NKX6-1: variants seen among roughly 807,000 people sequenced by gnomAD.
NKX6-1 encodes homeobox protein Nkx-6.1.
A neutral mutation model predicts 24.9 loss-of-function variants in NKX6-1; 11 were observed. The observed-to-expected ratio is 0.44, with a 90% confidence interval of 0.28 to 0.73. The LOEUF (loss-of-function observed/expected upper bound fraction) is 0.73. Among genes scored for constraint, NKX6-1 ranks in the 30% least tolerant of loss-of-function variants. The pLI is 0.15. For synonymous variants in NKX6-1, 277 were observed against 242.9 expected (o/e 1.14, Z -1.31); for missense variants, 487 against 502.9 (o/e 0.97, Z 0.30).
chr4:84,495,540 G>C, intron 2 of NKX6-1, 132 bp downstream of exon 2: 4 of 811,324 alleles, frequency 4.9e-6, no homozygotes. Context: ...TTCTCCCCAG[G>C]CTCCTTGGAT....
rs556633567 is a variant in NKX6-1 at position 84,497,593 on chromosome 4, C to A, written c.636G>T (p.Pro212=). The change falls in exon 1 of 3, where the codon CCG becomes CCT. Residue 212 remains proline (P), a synonymous_variant. Transcript: ENST00000295886. The surrounding 1 kb of genome is among the most constrained non-coding windows in gnomAD (Gnocchi z 4.8). ...AGGCCAGGCGTGCGTCCCTCCAGGGCGGGCTCTGCATCACTCCGGGCCAGA... is the reference window on the plus strand; with the variant it reads ...AGGCCAGGCGTGCGTCCCTCCAGGGAGGGCTCTGCATCACTCCGGGCCAGA... ...PIFWPGVMQS[P]PWRDARLACT... 3.1e-6 allele frequency: 4 copies of A among 1,271,850 alleles called. No homozygotes were observed. Among genetic ancestry groups the A allele is most frequent in the Non-Finnish European group, 4.0e-6 (4 of 1,003,236 alleles). 78.8% of individuals were successfully genotyped at this position (1,271,850 alleles called of 1,614,324 possible). A position where few individuals can be genotyped will look rare whatever the true frequency, so the allele number is the denominator to read the frequency against.
At position 84,498,285 on chromosome 4, in the gene NKX6-1, C is replaced by T; in HGVS notation, c.-57G>A. The T allele has an allele frequency of 7.8e-7, 1 of 1,281,176 alleles. No homozygotes were observed. Among genetic ancestry groups the T allele is most frequent in the Non-Finnish European group, 9.9e-7 (1 of 1,014,382 alleles). 79.4% of individuals were successfully genotyped at this position (1,281,176 alleles called of 1,614,324 possible). On this transcript the variant is annotated 5_prime_UTR_variant, in exon 1 of 3. Coordinates refer to ENST00000295886, the MANE Select transcript of NKX6-1 (RefSeq NM_006168.3). ...AGCGAGGGCGCTGGCTGGTGCCCCC[C>T]GCGGGGCTCAGAGGAGCCGGAAGCG... is the stretch of plus-strand genomic sequence containing the variant.
In NKX6-1 at chr4:84,493,414, T is replaced by C; in HGVS notation, c.979A>G (p.Asn327Asp). Residue 327 changes from asparagine (N) to aspartate (D), a missense_variant, in exon 3 of 3, where the codon AAT becomes GAT. Around this residue, in one of 3 missense-constraint regions of NKX6-1, gnomAD observed 126 missense variants for 105.5 expected, o/e 1.19. Coordinates refer to ENST00000295886, the MANE Select transcript of NKX6-1 (RefSeq NM_006168.3). The surrounding 1 kb of genome is among the most constrained non-coding windows in gnomAD (Gnocchi z 5.1). The stretch of plus-strand genomic sequence containing the variant: ...TCCGAGTTGGGATCCAGAGGCTTAT[T>C]GTAGTCGTCGTCCTCTTCCTCGTTC... ...SENEEEDDDY[N>D]KPLDPNSDDE... The C allele has an allele frequency of 6.2e-7, 1 of 1,614,238 alleles. No homozygotes were observed. Among genetic ancestry groups the C allele is most frequent in the Non-Finnish European group, 8.5e-7 (1 of 1,180,044 alleles).
Position 84,498,741 on chromosome 4 carries a change from T to C in NKX6-1, c.-513A>G, listed in dbSNP as rs1720882150. 6.6e-6 allele frequency among the ~76,000 whole-genome samples: 1 copy of C among 152,208 alleles called. No homozygotes were observed. Among genetic ancestry groups the C allele is most frequent in the South Asian group, 2.1e-4 (1 of 4,832 alleles). On this transcript the variant is annotated 5_prime_UTR_variant, in exon 1 of 3. Transcript: ENST00000295886. ...GCCCGTGGCGCTCCTCTGATCTTAC[T>C]GGGATGCTCTGCTCTTTCGGTCGCG...
Position 84,497,454 on chromosome 4 carries a change from G to C in NKX6-1, c.670+105C>G. 2.4e-6 allele frequency: 3 copies of C among 1,239,252 alleles called. No homozygotes were observed. Among genetic ancestry groups the C allele is most frequent in the Admixed American group, 4.2e-5 (1 of 23,680 alleles). 76.8% of individuals were successfully genotyped at this position (1,239,252 alleles called of 1,614,324 possible). On this transcript the variant is annotated intron_variant, in intron 1 of 2. Transcript: ENST00000295886. This position sits in a 1 kb window ranked among gnomAD's most constrained non-coding sequence, Gnocchi z 4.8. ...TCCGGCGCTGTCAAACTACTGGGGC[G>C]GGCCACAGGATGGACTGAGCGGCAT...
chr4:84,495,619 G>A (rs1720802155), intron 2 of NKX6-1, 53 bp downstream of exon 2: 9 of 1,492,776 alleles, frequency 6.0e-6, no homozygotes, highest in Middle Eastern at 2.4e-4. Flanking sequence ...ATGTGTGCAC[G>A]CGCGCGCGAC....
In NKX6-1 at chr4:84,493,267, A is replaced by G; in HGVS notation, c.*22T>C. 6.5e-7 allele frequency: 1 copy of G among 1,535,322 alleles called. No individual in the cohort carries two copies. Among genetic ancestry groups the G allele is most frequent in the Non-Finnish European group, 8.7e-7 (1 of 1,151,840 alleles). On this transcript the variant is annotated 3_prime_UTR_variant, in exon 3 of 3. Transcript: ENST00000295886. The surrounding 1 kb of genome is among the most constrained non-coding windows in gnomAD (Gnocchi z 5.1). The stretch of plus-strand genomic sequence containing the variant: ...CCCAGAGGTGGAGGCCGGAGCCGGG[A>G]AGGTGCGGCGGGCGGCGGCGTTCAG...
At position 84,497,824 on chromosome 4, in the gene NKX6-1, G is replaced by A. The variant is rs572462167; in HGVS notation, c.405C>T (p.Ser135=). The A allele has an allele frequency of 6.3e-6, 8 of 1,274,278 alleles. No homozygotes were observed. The East Asian group carries it at 1.6e-4, about 25-fold the overall frequency. The allele number at this position is 1,274,278 out of a possible 1,614,324, so 78.9% of individuals were successfully genotyped here. A position where few individuals can be genotyped will look rare whatever the true frequency, so the allele number is the denominator to read the frequency against. Residue 135 remains serine (S), a synonymous_variant, in exon 1 of 3, where the codon TCC becomes TCT. Transcript: ENST00000295886. The surrounding 1 kb of genome is among the most constrained non-coding windows in gnomAD (Gnocchi z 4.8). Reference sequence around the variant, plus strand: ...CAGCAGCCGCGGCGGCGGCAGAGGCGGAGGAGGCAGAGGCGGACGAGGAAG... The same window carrying A: ...CAGCAGCCGCGGCGGCGGCAGAGGCAGAGGAGGCAGAGGCGGACGAGGAAG... ...SSSSSSASAS[S]ASAAAAAAAA...
Position 84,497,563 on chromosome 4 carries a change from G to A in NKX6-1, c.666C>T (p.Thr222=). The A allele has an allele frequency of 7.9e-7, 1 of 1,258,272 alleles. No individual in the cohort carries two copies. Among genetic ancestry groups the A allele is most frequent in the Non-Finnish European group, 1.0e-6 (1 of 994,152 alleles). 77.9% of individuals were successfully genotyped at this position (1,258,272 alleles called of 1,614,324 possible). A position where few individuals can be genotyped will look rare whatever the true frequency, so the allele number is the denominator to read the frequency against. ...GGCGCGGGTGGTAGTACTCACGAGG[G>A]GTACAGGCCAGGCGTGCGTCCCTCC... ...PPWRDARLAC[T]PHQGSILLDK... is the part of the protein sequence containing the mutation. Residue 222 remains threonine (T), a synonymous_variant, in exon 1 of 3, where the codon ACC becomes ACT. Coordinates refer to ENST00000295886, the MANE Select transcript of NKX6-1 (RefSeq NM_006168.3). The surrounding 1 kb of genome is among the most constrained non-coding windows in gnomAD (Gnocchi z 4.8).
In NKX6-1 at chr4:84,498,997, A is replaced by C. The variant is rs1478103836; in HGVS notation, c.-769T>G. 1.3e-5 allele frequency among the ~76,000 whole-genome samples: 2 copies of C among 152,286 alleles called. No homozygotes were observed. Among genetic ancestry groups the C allele is most frequent in the Non-Finnish European group, 2.9e-5 (2 of 68,018 alleles). On this transcript the variant is annotated 5_prime_UTR_variant, in exon 1 of 3. Transcript: ENST00000295886. ...TTGAAAAGAAAAAGGGGGAGGAAAA[A>C]CACAGAAAAACAAAAGACTAAGTGT...
Position 84,492,063 on chromosome 4 carries a change from G to A in NKX6-1, c.*1226C>T, listed in dbSNP as rs976823399. The A allele has an allele frequency of 1.3e-5, 2 of 152,038 alleles. No homozygotes were observed. Among genetic ancestry groups the A allele is most frequent in the Non-Finnish European group, 2.9e-5 (2 of 68,016 alleles). The allele number at this position is 152,038 out of a possible 1,614,324, so 9.4% of individuals were successfully genotyped here. A position where few individuals can be genotyped will look rare whatever the true frequency, so the allele number is the denominator to read the frequency against. On this transcript the variant is annotated 3_prime_UTR_variant, in exon 3 of 3. Coordinates refer to ENST00000295886, the MANE Select transcript of NKX6-1 (RefSeq NM_006168.3). ...ACATTTAACTGGTCTTGCAAAGGGG[G>A]TTTTCTTCTCTTTACAAACCGAATT...
chr4:84,498,518 G>C lies in NKX6-1; in HGVS notation c.-290C>G, dbSNP rs1277500928. On this transcript the variant is annotated 5_prime_UTR_variant, in exon 1 of 3. Transcript: ENST00000295886. ...CCGCGAGTCCTAGATTCGATCCCTG[G>C]CTATTCTCTCTTCCTCACTTTTCCT... 2.7e-6 allele frequency: 1 copy of C among 372,998 alleles called. No homozygotes were observed. Among genetic ancestry groups the C allele is most frequent in the African/African-American group, 2.1e-5 (1 of 48,088 alleles). 23.1% of individuals were successfully genotyped at this position (372,998 alleles called of 1,614,324 possible). A position where few individuals can be genotyped will look rare whatever the true frequency, so the allele number is the denominator to read the frequency against.
intron 1 of NKX6-1, chr4:84,496,816 C>G (rs1051074860): frequency 6.6e-6 from 1 of 152,460 alleles, no homozygotes; most frequent in Non-Finnish European, 1.5e-5. Flanking sequence ...TTGAGCTCCA[C>G]GATGTCCCCA....
At chr4:84,496,179 C>T (rs1443405641) in intron 1 of NKX6-1, among the ~76,000 whole-genome samples, 1 of 152,104 alleles carries the variant, frequency 6.6e-6, no homozygotes, top group African/African-American at 2.4e-5. Flanking sequence ...AAAAAGGCCA[C>T]TCTCGCCTCC....
At chr4:84,495,871 A>G in intron 1 of NKX6-1, 27 bp from the exon 2 acceptor site, 1 of 1,611,260 alleles carries the variant, frequency 6.2e-7, no homozygotes, top group Non-Finnish European at 8.5e-7. Flanking sequence ...ACAACGAGAG[A>G]GGGGGAAAAA....
In NKX6-1 at chr4:84,497,566, A is replaced by G; in HGVS notation, c.663T>C (p.Cys221=). 3 of 1,262,570 alleles carry G rather than the reference A, an allele frequency of 2.4e-6. No individual in the cohort carries two copies. The highest frequency in any genetic ancestry group is 3.0e-6 in the Non-Finnish European group (3 of 997,452). 78.2% of individuals were successfully genotyped at this position (1,262,570 alleles called of 1,614,324 possible). ...SPPWRDARLA[C]TPHQGSILLD... is the part of the protein sequence containing the mutation. ...GCGGGTGGTAGTACTCACGAGGGGT[A>G]CAGGCCAGGCGTGCGTCCCTCCAGG... The change falls in exon 1 of 3, where the codon TGT becomes TGC. Residue 221 remains cysteine, a synonymous_variant. Transcript: ENST00000295886. This position sits in a 1 kb window ranked among gnomAD's most constrained non-coding sequence, Gnocchi z 4.8.
intron 1 of NKX6-1, chr4:84,496,388 C>T (rs1720821263): frequency 6.6e-6 from 1 of 152,268 alleles, no homozygotes; most frequent in Non-Finnish European, 1.5e-5. Context: ...GGGGCACAGC[C>T]TTTGTTGGCG....
At chr4:84,494,846 G>T (rs1334497008) in intron 2 of NKX6-1, among the ~76,000 whole-genome samples, 4 of 151,776 alleles carry the variant, frequency 2.6e-5, no homozygotes, top group African/African-American at 9.7e-5. Flanking sequence ...ATAACAAACT[G>T]AAAAAGAAGG....
rs1298897545 is a variant in NKX6-1, at chr4:84,493,469, C to G, written c.924G>C (p.Ser308=). The change falls in exon 3 of 3, where the codon TCG becomes TCC. Residue 308 remains serine, a synonymous_variant. Coordinates refer to ENST00000295886, the MANE Select transcript of NKX6-1 (RefSeq NM_006168.3). This position sits in a 1 kb window ranked among gnomAD's most constrained non-coding sequence, Gnocchi z 5.1. ...EMATAKKKQD[S]ETERLKGASE... is the part of the protein sequence containing the mutation. Reference sequence around the variant, plus strand: ...AGGCCCCCTTGAGGCGCTCTGTCTCCGAGTCCTGCTTCTTCTTGGCCGTGG... The same window carrying G: ...AGGCCCCCTTGAGGCGCTCTGTCTCGGAGTCCTGCTTCTTCTTGGCCGTGG... 1 of 1,614,262 alleles carries G rather than the reference C, an allele frequency of 6.2e-7. No homozygotes were observed. Among genetic ancestry groups the G allele is most frequent in the Admixed American group, 1.7e-5 (1 of 60,036 alleles).
Sources: gnomAD v4.1 joint callset for allele counts (sites outside exome capture counted in the v4.1 genomes callset) on GRCh38, gnomAD v4.1.1 for gene constraint, gnomAD v4.1.1 regional missense constraint, Gnocchi (gnomAD v3.1) non-coding constraint, MANE v1.5 for transcripts, NCBI Gene and HGNC (gene_info 2026-07-23, HGNC 2026-07-21) for gene names.